Variants in ADCK1 observed in about 807,000 individuals in gnomAD.
ADCK1 encodes aarF domain-containing protein kinase 1.
A neutral mutation model predicts 52.3 loss-of-function variants in ADCK1; 41 were observed. That is an observed-to-expected ratio of 0.78 (90% CI 0.61 to 1.02). ADCK1 has a LOEUF of 1.02. Among genes scored for constraint, ADCK1 ranks in the 50% least tolerant of loss-of-function variants. The pLI is 0.00. For missense variants in ADCK1, 658 were observed against 679.5 expected (o/e 0.97, Z 0.35); for synonymous variants, 250 against 274.6 (o/e 0.91, Z 0.89).
chr14:77,809,373 A>G (rs1159204953), intron 1 of ADCK1, among the ~76,000 whole-genome samples: 1 of 152,142 alleles, frequency 6.6e-6, no homozygotes, highest in East Asian at 1.9e-4. Flanking sequence ...CTTGTTGCCC[A>G]GGCTGGAGTG....
chr14:77,815,286 C>T (rs1005949056), intron 1 of ADCK1, among the ~76,000 whole-genome samples: 2 of 150,444 alleles, frequency 1.3e-5, no homozygotes, highest in Admixed American at 1.3e-4. Context: ...TCATTTCAGC[C>T]TCGAGACCTC....
At chr14:77,904,200 GT>G (rs752262676) in intron 6 of ADCK1, among the ~76,000 whole-genome samples, 1 of 152,212 alleles carries the variant, frequency 6.6e-6, no homozygotes, top group Admixed American at 6.5e-5. Context: ...AGCAATCGAT[GT>G]TTTTTCCAGC....
chr14:77,842,448 T>TTTTTTCCTTCCTTCA (rs1486087604), intron 3 of ADCK1, among the ~76,000 whole-genome samples: 2 of 92,284 alleles, frequency 2.2e-5, no homozygotes, highest in African/African-American at 7.3e-5. Context: ...GGTATTTTTT[T>TTTTTTCCTTCCTTCA]TTCCTTCCTT....
At chr14:77,924,041 G>A (rs1383553685) in intron 7 of ADCK1, 1 of 161,754 alleles carries the variant, frequency 6.2e-6, no homozygotes, top group Non-Finnish European at 1.3e-5. Context: ...GAAGGGGTGA[G>A]TGGAATGACT....
intron 1 of ADCK1, among the ~76,000 whole-genome samples, chr14:77,815,505 C>T (rs932767093): frequency 1.3e-4 from 19 of 151,128 alleles, no homozygotes; most frequent in Admixed American, 6.6e-5. Flanking sequence ...TCACTGCCCC[C>T]AGCCAGGCAC....
Position 77,905,303 on chromosome 14 carries a change from G to GTTTTTTTTTTT in ADCK1, c.742-2500_742-2499insTTTTTTTTTTT, listed in dbSNP as rs1566722295. ...TTCCACCTGTGACTCTTTCCTAGCT[G>GTTTTTTTTTTT]GTTTTTTTTTTTTTTTTTTTTGAGA... On this transcript the variant is annotated intron_variant, in intron 6 of 10. Transcript: ENST00000238561. 6.1e-5 allele frequency among the ~76,000 whole-genome samples: 4 copies of GTTTTTTTTTTT among 65,372 alleles called. No homozygotes were observed. The South Asian group carries it at 1.2e-3, about 20-fold the overall frequency. 42.9% of individuals were successfully genotyped at this position (65,372 alleles called of 152,430 possible).
At chr14:77,834,352 C>T (rs1252539348) in intron 3 of ADCK1, among the ~76,000 whole-genome samples, 1 of 152,182 alleles carries the variant, frequency 6.6e-6, no homozygotes, top group Non-Finnish European at 1.5e-5. Context: ...GCTGCAAGGT[C>T]GTACTTTGAG....
chr14:77,809,630 C>A (rs1471310523), intron 1 of ADCK1, among the ~76,000 whole-genome samples: 3 of 151,984 alleles, frequency 2.0e-5, no homozygotes, highest in East Asian at 1.9e-4. Flanking sequence ...GCCTGGCCTC[C>A]CTGTTTATTA....
intron 3 of ADCK1, among the ~76,000 whole-genome samples, chr14:77,851,696 G>A (rs1477096611): frequency 6.6e-6 from 1 of 152,058 alleles, no homozygotes; most frequent in Non-Finnish European, 1.5e-5. Flanking sequence ...CTATATTTAA[G>A]TGATATTATA....
chr14:77,825,852 G>A (rs1170537180), intron 3 of ADCK1, among the ~76,000 whole-genome samples: 1 of 152,080 alleles, frequency 6.6e-6, no homozygotes, highest in African/African-American at 2.4e-5. Flanking sequence ...TGCCCACTGC[G>A]CTTCCCTGCC....
At chr14:77,861,303 C>A (rs2082541034) in intron 4 of ADCK1, among the ~76,000 whole-genome samples, 1 of 152,186 alleles carries the variant, frequency 6.6e-6, no homozygotes, top group South Asian at 2.1e-4. Context: ...CCCTCTTCCT[C>A]CTCCTCCCCC....
At chr14:77,835,199 A>G (rs2003600) in intron 3 of ADCK1, among the ~76,000 whole-genome samples, 56,298 of 152,032 alleles carry the variant, frequency 0.37, 11,575 homozygotes, top group Admixed American at 0.5. Flanking sequence ...CAATACCAGC[A>G]TTTTATTTTT....
intron 7 of ADCK1, among the ~76,000 whole-genome samples, chr14:77,920,617 C>G (rs2084026486): frequency 6.6e-6 from 1 of 152,118 alleles, no homozygotes; most frequent in Admixed American, 6.5e-5. Flanking sequence ...AAAACTTTGA[C>G]ACATGTTCAT....
At chr14:77,883,813 T>TTG (rs2083087155) in intron 4 of ADCK1, among the ~76,000 whole-genome samples, 4 of 152,118 alleles carry the variant, frequency 2.6e-5, no homozygotes, top group Non-Finnish European at 2.9e-5. Context: ...TGTGGGCAAG[T>TTG]CCTCACAGCT....
At chr14:77,882,552 A>G (rs1042792963) in intron 4 of ADCK1, among the ~76,000 whole-genome samples, 2 of 152,360 alleles carry the variant, frequency 1.3e-5, no homozygotes, top group East Asian at 1.9e-4. Context: ...GCTATCTTGG[A>G]AGAATTCAGC....
chr14:77,830,031 A>G (rs2081807347), intron 3 of ADCK1, among the ~76,000 whole-genome samples: 2 of 151,452 alleles, frequency 1.3e-5, no homozygotes, highest in Admixed American at 1.3e-4. Flanking sequence ...GAGGGACTCA[A>G]GGCCAGGTTT....
rs531212510 is a variant in ADCK1, at chr14:77,931,825, A to G, written c.1400+114A>G. 7.8e-5 allele frequency: 87 copies of G among 1,111,816 alleles called. No individual in the cohort carries two copies. In the East Asian group the frequency reaches 2.1e-3, roughly 27 times the overall value. 68.9% of individuals were successfully genotyped at this position (1,111,816 alleles called of 1,614,324 possible). On this transcript the variant is annotated intron_variant, in intron 10 of 10. Transcript: ENST00000238561. Reference sequence around the variant, plus strand: ...CTACAGGGCCCTGCCTGAGCTTCCCAATCTCCAGATATCCCTGCAGGCAAA... The same window carrying G: ...CTACAGGGCCCTGCCTGAGCTTCCCGATCTCCAGATATCCCTGCAGGCAAA...
In ADCK1 at chr14:77,811,393, C is replaced by G. The variant is rs2081335887; in HGVS notation, c.-11-7575C>G. Among the ~76,000 whole-genome samples, 2 of 152,044 alleles carry G rather than the reference C, an allele frequency of 1.3e-5. 1 individual carries two copies. The highest frequency in any genetic ancestry group is 1.3e-4 in the Admixed American group (2 of 15,256). On this transcript the variant is annotated intron_variant, in intron 1 of 10. Coordinates refer to ENST00000238561, the MANE Select transcript of ADCK1 (RefSeq NM_020421.4). The stretch of plus-strand genomic sequence containing the variant: ...TGTGTATGGACGAGATCATGAGGTT[C>G]AGAGAGATTTAGCAGCTTGCCTATG...
At chr14:77,823,351 G>A (rs11159290) in intron 3 of ADCK1, among the ~76,000 whole-genome samples, 98,552 of 151,998 alleles carry the variant, frequency 0.65, 32,890 homozygotes, top group Admixed American at 0.73. Context: ...TTCTGGACTC[G>A]GCTCAAGCTC....
Sources: gnomAD v4.1 joint callset for allele counts (sites outside exome capture counted in the v4.1 genomes callset) on GRCh38, gnomAD v4.1.1 for gene constraint, MANE v1.5 for transcripts, NCBI Gene and HGNC (gene_info 2026-07-23, HGNC 2026-07-21) for gene names.